FBN2: variants seen among roughly 807,000 people sequenced by gnomAD.
FBN2 encodes the protein fibrillin 2, also known as fibrillin-2.
In FBN2, 105 loss-of-function variants were observed where a neutral mutation model predicts 355.6. The ratio of observed to expected loss-of-function variants is 0.30; its 90% CI spans 0.25 to 0.35. The LOEUF (loss-of-function observed/expected upper bound fraction) is 0.35. Ranked by LOEUF, FBN2 falls within the 10% of genes least tolerant of loss-of-function variation. FBN2 has a pLI of 1.00. For synonymous variants in FBN2, 1,350 were observed against 1,301.2 expected (o/e 1.04, Z -0.81); for missense variants, 3,280 against 3,758.7 (o/e 0.87, Z 3.33).
At chr5:128,461,924 T>TA (rs1443196705) in intron 6 of FBN2, among the ~76,000 whole-genome samples, 1 of 152,110 alleles carries the variant, frequency 6.6e-6, no homozygotes, top group Non-Finnish European at 1.5e-5. Flanking sequence ...TATACTCCTG[T>TA]AACAAACCTA....
chr5:128,427,879 C>A (rs1198865823), intron 7 of FBN2, among the ~76,000 whole-genome samples: 2 of 152,156 alleles, frequency 1.3e-5, no homozygotes, highest in Non-Finnish European at 2.9e-5. Context: ...GTTTGGCTTA[C>A]CTGCATTGGG....
intron 5 of FBN2, among the ~76,000 whole-genome samples, chr5:128,482,292 C>T (rs1359193160): frequency 2.0e-5 from 3 of 151,748 alleles, no homozygotes; most frequent in Non-Finnish European, 4.4e-5. Context: ...TGGAAATTTC[C>T]CCCGCCCAGC....
chr5:128,394,892 T>TG, intron 9 of FBN2, among the ~76,000 whole-genome samples: 1 of 151,134 alleles, frequency 6.6e-6, no homozygotes, highest in Non-Finnish European at 1.5e-5. Context: ...CTCATGTGAT[T>TG]CTCCCACCTC....
At chr5:128,265,407 C>G (rs1277056439) in intron 62 of FBN2, among the ~76,000 whole-genome samples, 2 of 152,006 alleles carry the variant, frequency 1.3e-5, no homozygotes, top group African/African-American at 4.8e-5. Flanking sequence ...TTTGCAAGCA[C>G]CATGATATAC....
intron 7 of FBN2, among the ~76,000 whole-genome samples, chr5:128,429,398 T>TA (rs1489304584): frequency 6.6e-6 from 1 of 152,150 alleles, no homozygotes. Context: ...GCAGTATTCC[T>TA]AAAAAAATCG....
At position 128,399,047 on chromosome 5, in the gene FBN2, C is replaced by T. The variant is rs182646666; in HGVS notation, c.1079-3773G>A. ...GCAGCATGAAAACAGACTAATACAA[C>T]ATGTAATAAGAGTACTAGGAAGAGT... On this transcript the variant is annotated intron_variant, in intron 8 of 64. Coordinates refer to ENST00000262464, the MANE Select transcript of FBN2 (RefSeq NM_001999.4). 2.2e-4 allele frequency among the ~76,000 whole-genome samples: 33 copies of T among 152,202 alleles called. 1 individual carries two copies. The East Asian group carries it at 6.4e-3, about 29-fold the overall frequency.
Position 128,312,663 on chromosome 5 carries a change from G to A in FBN2, c.4850C>T (p.Pro1617Leu). 1 of 1,613,884 alleles carries A rather than the reference G, an allele frequency of 6.2e-7. No homozygotes were observed. Among genetic ancestry groups the A allele is most frequent in the Non-Finnish European group, 8.5e-7 (1 of 1,179,978 alleles). ...CCSLGKAWGN[P>L]CETCPPVNST... Reference sequence around the variant, plus strand: ...ATTGACAGGGGGGCATGTCTCACAGGGGTTTCCCCAGGCCTTTCCCAGAGA... The same window carrying A: ...ATTGACAGGGGGGCATGTCTCACAGAGGTTTCCCCAGGCCTTTCCCAGAGA... Residue 1617 changes from proline (P) to leucine (L), a missense_variant, in exon 37 of 65, where the codon CCC becomes CTC. Physicochemically the swap from Pro to Leu is moderately conservative, Grantham distance 98. Coordinates refer to ENST00000262464, the MANE Select transcript of FBN2 (RefSeq NM_001999.4).
At chr5:128,504,230 C>T (rs1286006908) in intron 5 of FBN2, among the ~76,000 whole-genome samples, 1 of 152,174 alleles carries the variant, frequency 6.6e-6, no homozygotes, top group Non-Finnish European at 1.5e-5. Context: ...AATGGAGAAC[C>T]TCTGCTAGGG....
chr5:128,520,338 C>T (rs147506454), intron 4 of FBN2, among the ~76,000 whole-genome samples: 134 of 152,280 alleles, frequency 8.8e-4, no homozygotes, highest in Non-Finnish European at 1.4e-3. Context: ...CATATCTTCT[C>T]CAGGAGAAAA....
chr5:128,431,949 C>T lies in FBN2; in HGVS notation c.952+14532G>A, dbSNP rs1182874976. 2.0e-5 allele frequency among the ~76,000 whole-genome samples: 3 copies of T among 152,210 alleles called. No individual in the cohort carries two copies. In the East Asian group the frequency reaches 5.8e-4, roughly 29 times the overall value. On this transcript the variant is annotated intron_variant, in intron 7 of 64. Transcript: ENST00000262464. ...GGAATTCACCATTAAGATTTTTGGA[C>T]TGTAGTGGACAGCAGGTACCTGAAA...
intron 5 of FBN2, among the ~76,000 whole-genome samples, chr5:128,478,764 G>C (rs1308326197): frequency 6.6e-6 from 1 of 152,030 alleles, no homozygotes; most frequent in African/African-American, 2.4e-5. Flanking sequence ...AGGATTCTGT[G>C]GTCAAATATA....
chr5:128,390,665 G>A (rs571790451), intron 11 of FBN2, among the ~76,000 whole-genome samples: 3 of 152,294 alleles, frequency 2.0e-5, no homozygotes, highest in Admixed American at 6.5e-5. Context: ...AAGTTTCTGC[G>A]TAGTTGTTTT....
At chr5:128,277,625 T>A (rs950716593) in intron 58 of FBN2, among the ~76,000 whole-genome samples, 3 of 152,220 alleles carry the variant, frequency 2.0e-5, no homozygotes, top group African/African-American at 7.2e-5. Flanking sequence ...AGAGTTTCTC[T>A]GTTTTTGACA....
chr5:128,334,998 G>T (rs987141598), intron 30 of FBN2, among the ~76,000 whole-genome samples, 154 bp from the exon 31 acceptor site: 7 of 152,136 alleles, frequency 4.6e-5, no homozygotes, highest in African/African-American at 1.7e-4. Context: ...TATACAACCT[G>T]CCTTTAGACA....
intron 16 of FBN2, among the ~76,000 whole-genome samples, chr5:128,367,954 T>C (rs1751818404): frequency 2.0e-5 from 3 of 152,104 alleles, no homozygotes; most frequent in African/African-American, 7.2e-5. Flanking sequence ...CCATTCAGGA[T>C]TTTTAAGGGA....
rs766113584 is a variant in FBN2, at chr5:128,536,430, C to T, written c.309G>A (p.Thr103=). The part of the protein sequence containing the change: ...FHSYCCPGWK[T]LPGGNQCIVP... Reference sequence around the variant, plus strand: ...CAATGCACTGGTTTCCTCCAGGGAGCGTCTTCCATCCAGGGCAGCAGTAGG... The same window carrying T: ...CAATGCACTGGTTTCCTCCAGGGAGTGTCTTCCATCCAGGGCAGCAGTAGG... Residue 103 remains threonine, a synonymous_variant, in exon 2 of 65, where the codon ACG becomes ACA. Coordinates refer to ENST00000262464, the MANE Select transcript of FBN2 (RefSeq NM_001999.4). The T allele has an allele frequency of 3.7e-6, 6 of 1,614,058 alleles. No homozygotes were observed. The highest frequency in any genetic ancestry group is 2.2e-5 in the East Asian group (1 of 44,878).
intron 5 of FBN2, among the ~76,000 whole-genome samples, chr5:128,484,405 G>A (rs900062444): frequency 1.3e-5 from 2 of 152,126 alleles, no homozygotes; most frequent in Admixed American, 1.3e-4. Context: ...ATCATAGAAA[G>A]AAATATATAT....
intron 8 of FBN2, among the ~76,000 whole-genome samples, chr5:128,395,952 G>T (rs911381079): frequency 6.6e-6 from 1 of 152,144 alleles, no homozygotes; most frequent in African/African-American, 2.4e-5. Flanking sequence ...AGAAGACAAT[G>T]GTTTACATTT....
chr5:128,313,710 G>A (rs183359043), intron 36 of FBN2, among the ~76,000 whole-genome samples: 2 of 151,876 alleles, frequency 1.3e-5, no homozygotes, highest in East Asian at 1.9e-4. Flanking sequence ...AAAATTAGCT[G>A]AGCATGGTGG....
Sources: gnomAD v4.1 joint callset for allele counts (sites outside exome capture counted in the v4.1 genomes callset) on GRCh38, gnomAD v4.1.1 for gene constraint, MANE v1.5 for transcripts, NCBI Gene and HGNC (gene_info 2026-07-23, HGNC 2026-07-21) for gene names.